ZNF121: variants seen among roughly 807,000 people sequenced by gnomAD.
ZNF121 encodes zinc finger protein 121, also known as zinc finger protein 121 (clone ZHC32).
Under a neutral mutation model 2.4 loss-of-function variants are expected in ZNF121, and 1 was observed. The ratio of observed to expected loss-of-function variants is 0.41; its 90% CI spans 0.15 to 1.94. The LOEUF is 1.94. Ranked by LOEUF, ZNF121 falls within the 30% of genes most tolerant of loss-of-function variation. The pLI is 0.30. For missense variants in ZNF121, 369 were observed against 466.3 expected, an observed-to-expected ratio of 0.79 and a Z score of 1.92; for synonymous variants, 173 against 158.6, an observed-to-expected ratio of 1.09 and a Z score of -0.68.
chr19:9,582,316 C>T (rs925361487), intron 1 of ZNF121, among the ~76,000 whole-genome samples: 4 of 152,252 alleles, frequency 2.6e-5, no homozygotes, highest in South Asian at 4.1e-4. Flanking sequence ...ATAGCTAGTT[C>T]CTGCCTTAAC....
intron 1 of ZNF121, among the ~76,000 whole-genome samples, chr19:9,579,274 G>C (rs2074232780): frequency 6.6e-6 from 1 of 152,220 alleles, no homozygotes; most frequent in African/African-American, 2.4e-5. Context: ...ACAATACTCA[G>C]GTGTAGTGGC....
At chr19:9,571,805 G>A (rs1174744320) in intron 1 of ZNF121, among the ~76,000 whole-genome samples, 1 of 152,176 alleles carries the variant, frequency 6.6e-6, no homozygotes. Flanking sequence ...CTGGATTAGA[G>A]TGGCATGATC....
chr19:9,575,714 G>C (rs1332399544), intron 1 of ZNF121, among the ~76,000 whole-genome samples: 1 of 152,058 alleles, frequency 6.6e-6, no homozygotes, highest in Non-Finnish European at 1.5e-5. Flanking sequence ...CTGCACTCCA[G>C]CCTGGGCAAC....
chr19:9,568,094 C>A lies in ZNF121; in HGVS notation c.3+1G>T. 1 of 1,553,150 alleles carries A rather than the reference C, an allele frequency of 6.4e-7. No individual in the cohort carries two copies. The highest frequency in any genetic ancestry group is 2.3e-5 in the East Asian group (1 of 44,238). On this transcript the variant is annotated splice_donor_variant, in intron 3 of 3. Coordinates refer to ENST00000320451, the MANE Select transcript of ZNF121 (RefSeq NM_001008727.5). LOFTEE classifies it high-confidence loss of function. ...TGGTAAATAAGAAATCTTAATCTTA[C>A]CATTTGTATGCCGTTTGATGTTTTG...
Position 9,561,147 on chromosome 19 carries a change from G to A in ZNF121, c.*4793C>T, listed in dbSNP as rs139635825. The A allele has an allele frequency of 5.3e-5, 8 of 152,328 alleles. No individual in the cohort carries two copies. The highest frequency in any genetic ancestry group is 1.7e-4 in the African/African-American group (7 of 41,576). 9.4% of individuals were successfully genotyped at this position (152,328 alleles called of 1,614,324 possible). A position where few individuals can be genotyped will look rare whatever the true frequency, so the allele number is the denominator to read the frequency against. ...TTAATATAGAAATAGAGTTATTAAT[G>A]TGTGGATACGTATATATAATTTTGT... On this transcript the variant is annotated 3_prime_UTR_variant, in exon 4 of 4. Transcript: ENST00000320451.
At chr19:9,583,195 C>T (rs12463122) in intron 1 of ZNF121, among the ~76,000 whole-genome samples, 26,011 of 150,670 alleles carry the variant, frequency 0.17, 3,553 homozygotes, top group African/African-American at 0.38. Flanking sequence ...CCAGCCTGGG[C>T]GACAGAGCAA....
At chr19:9,578,956 T>A (rs2144822566) in intron 1 of ZNF121, among the ~76,000 whole-genome samples, 2 of 103,586 alleles carry the variant, frequency 1.9e-5, no homozygotes, top group Admixed American at 1.0e-4. Flanking sequence ...GTAATCAAAA[T>A]ATATAAGGAA....
At chr19:9,579,578 G>T (rs2074234766) in intron 1 of ZNF121, among the ~76,000 whole-genome samples, 1 of 152,174 alleles carries the variant, frequency 6.6e-6, no homozygotes. Context: ...CCAGGCAGGA[G>T]AATCACTTGA....
rs2074115432 is a variant in ZNF121 at position 9,564,064 on chromosome 19, G to A, written c.*1876C>T. 2 of 152,148 alleles carry A rather than the reference G, an allele frequency of 1.3e-5. No individual in the cohort carries two copies. The highest frequency in any genetic ancestry group is 1.3e-4 in the Admixed American group (2 of 15,262). The allele number at this position is 152,148 out of a possible 1,614,324, so 9.4% of individuals were successfully genotyped here. ...CTGACTTTCAAGTCTTATTATTTAAGAAATACATTTCATAAGGCTATAGCT... is the reference window on the plus strand; with the variant it reads ...CTGACTTTCAAGTCTTATTATTTAAAAAATACATTTCATAAGGCTATAGCT... On this transcript the variant is annotated 3_prime_UTR_variant, in exon 4 of 4. Coordinates refer to ENST00000320451, the MANE Select transcript of ZNF121 (RefSeq NM_001008727.5).
At chr19:9,575,302 A>T (rs549732214) in intron 1 of ZNF121, among the ~76,000 whole-genome samples, 1 of 152,340 alleles carries the variant, frequency 6.6e-6, no homozygotes, top group Admixed American at 6.5e-5. Flanking sequence ...ACATGCCTGT[A>T]GTCCCAGCTA....
chr19:9,579,495 G>A (rs61176979), intron 1 of ZNF121, among the ~76,000 whole-genome samples: 5,451 of 152,270 alleles, frequency 0.036, 334 homozygotes, highest in African/African-American at 0.12. Context: ...GACCAGCCTG[G>A]CCAACATGGC....
Position 9,573,492 on chromosome 19 carries a change from C to A in ZNF121, c.-159-4410G>T, listed in dbSNP as rs116346808. ...AATGAAAAGGAACTAAGATTGTCGG[C>A]AAGATGCAGAAAATTACCTTGAAAG... On this transcript the variant is annotated intron_variant, in intron 1 of 3. Transcript: ENST00000320451. Among the ~76,000 whole-genome samples the A allele has an allele frequency of 1.8e-3, 271 of 152,240 alleles. 1 individual carries two copies. Among genetic ancestry groups the A allele is most frequent in the African/African-American group, 6.2e-3 (256 of 41,546 alleles).
At chr19:9,578,291 G>A (rs1320891443) in intron 1 of ZNF121, among the ~76,000 whole-genome samples, 3 of 152,084 alleles carry the variant, frequency 2.0e-5, no homozygotes, top group African/African-American at 7.2e-5. Flanking sequence ...CTACTAGGGA[G>A]GCTGAGGCAG....
intron 1 of ZNF121, among the ~76,000 whole-genome samples, chr19:9,575,969 A>G (rs1452202469): frequency 6.6e-6 from 1 of 152,208 alleles, no homozygotes; most frequent in African/African-American, 2.4e-5. Flanking sequence ...GAAAATCAAC[A>G]AAGAAACACA....
chr19:9,563,638 T>G lies in ZNF121; in HGVS notation c.*2302A>C, dbSNP rs1449030089. The G allele has an allele frequency of 1.3e-5, 2 of 152,242 alleles. No individual in the cohort carries two copies. Among genetic ancestry groups the G allele is most frequent in the Non-Finnish European group, 2.9e-5 (2 of 68,048 alleles). 9.4% of individuals were successfully genotyped at this position (152,242 alleles called of 1,614,324 possible). ...CAGCGTCACGCTCTGTTGTGCTGGC[T>G]GGTCTTGAACTCTTGACCTCAAGTG... is the stretch of plus-strand genomic sequence containing the variant. On this transcript the variant is annotated 3_prime_UTR_variant, in exon 4 of 4. Transcript: ENST00000320451.
At chr19:9,577,175 G>A (rs139477902) in intron 1 of ZNF121, among the ~76,000 whole-genome samples, 1 of 152,346 alleles carries the variant, frequency 6.6e-6, no homozygotes, top group African/African-American at 2.4e-5. Context: ...TGGGTGCAGT[G>A]GCTCACGCCC....
In ZNF121 at chr19:9,567,042, G is replaced by A; in HGVS notation, c.71C>T (p.Ser24Leu). Reference sequence around the variant, plus strand: ...AGTTCCCATGTGTGCATTAAGGCATGAGTGTTCACTGAAGATTTCTCCATT... The same window carrying A: ...AGTTCCCATGTGTGCATTAAGGCATAAGTGTTCACTGAAGATTTCTCCATT... Reference protein sequence around the residue: ...MENGEIFSEHSCLNAHMGTEN... With the variant: ...MENGEIFSEHLCLNAHMGTEN... Residue 24 changes from serine (S) to leucine (L), a missense_variant, in exon 4 of 4, where the codon TCA (serine) becomes TTA (leucine). Physicochemically the swap from Ser to Leu is moderately radical, Grantham distance 145. Coordinates refer to ENST00000320451, the MANE Select transcript of ZNF121 (RefSeq NM_001008727.5). 6.2e-7 allele frequency: 1 copy of A among 1,614,064 alleles called. No homozygotes were observed. The highest frequency in any genetic ancestry group is 2.2e-5 in the East Asian group (1 of 44,880).
chr19:9,567,108 G>T lies in ZNF121; in HGVS notation c.5C>A (p.Ala2Glu), dbSNP rs144876548. Residue 2 changes from alanine (A) to glutamate (E), a missense_variant and splice_region_variant, in exon 4 of 4, where the codon GCA becomes GAA. Ala to Glu is a moderately radical substitution (Grantham distance 107, BLOSUM62 -1). Transcript: ENST00000320451. M[A>E]EIHNGGELCD... ...GAGTTCCCCTCCATTGTGGATTTCT[G>T]CCTGTTAATAAAGGGATGAATGATG... The T allele has an allele frequency of 3.1e-6, 5 of 1,603,838 alleles. No individual in the cohort carries two copies. The African/African-American group carries it at 6.7e-5, about 22-fold the overall frequency.
intron 1 of ZNF121, among the ~76,000 whole-genome samples, chr19:9,571,300 C>T (rs2074172598): frequency 6.6e-6 from 1 of 152,146 alleles, no homozygotes; most frequent in African/African-American, 2.4e-5. Flanking sequence ...AATCTCTGTA[C>T]TTGAATACTG....
Sources: gnomAD v4.1 joint callset for allele counts (sites outside exome capture counted in the v4.1 genomes callset) on GRCh38, gnomAD v4.1.1 for gene constraint, MANE v1.5 for transcripts, NCBI Gene and HGNC (gene_info 2026-07-23, HGNC 2026-07-21) for gene names.